The following FAM107A variants were observed in gnomAD, a reference collection of about 807,000 sequenced individuals.
FAM107A encodes the protein family with sequence similarity 107 member A.
FAM107A carries 19 observed loss-of-function variants against 13.7 expected under a neutral mutation model. The ratio of observed to expected loss-of-function variants is 1.38; its 90% CI spans 0.97 to 2.03. FAM107A has a LOEUF of 2.03. Among genes scored for constraint, FAM107A ranks in the 30% most tolerant of loss-of-function variants. The pLI is 0.00. For missense variants in FAM107A, 203 were observed against 184.4 expected, an observed-to-expected ratio of 1.10 and a Z score of -0.58; for synonymous variants, 82 against 74.5, an observed-to-expected ratio of 1.10 and a Z score of -0.52.
upstream of FAM107A, among the ~76,000 whole-genome samples, chr3:58,590,087 A>G (rs2065643654): frequency 6.6e-6 from 1 of 152,220 alleles, no homozygotes; most frequent in African/African-American, 2.4e-5. Context: ...AATACATTAT[A>G]TATTTTCAAT....
intron 1 of FAM107A, among the ~76,000 whole-genome samples, chr3:58,585,248 C>A (rs577870384): frequency 5.5e-4 from 84 of 152,322 alleles, no homozygotes; most frequent in Non-Finnish European, 1.0e-3. Flanking sequence ...CTTTGAGAGA[C>A]GATCGAGAAC....
chr3:58,581,742 C>G (rs17059421), upstream of FAM107A, among the ~76,000 whole-genome samples: 3 of 152,032 alleles, frequency 2.0e-5, no homozygotes, highest in African/African-American at 7.2e-5. Context: ...AAGTTTGAAC[C>G]GGGAAGAATT....
At chr3:58,598,560 G>T (rs766783454) in intron 1 of FAM107A, among the ~76,000 whole-genome samples, 22 of 152,176 alleles carry the variant, frequency 1.4e-4, no homozygotes, top group Non-Finnish European at 2.9e-4. Flanking sequence ...TGCATGGGTT[G>T]TTTCATTCCC....
In FAM107A at chr3:58,569,715, C is replaced by T. The variant is rs779645856; in HGVS notation, c.146G>A (p.Arg49Gln). ...KASRSHQELHRELLMNHRRGL... is the reference protein window; with the variant it reads ...KASRSHQELHQELLMNHRRGL... The stretch of plus-strand genomic sequence containing the variant: ...CCTTCTGTGGTTCATGAGCAGCTCC[C>T]GGTGGAGCTCCTGGTGACTCCGAGA... Residue 49 changes from arginine to glutamine, a missense_variant, in exon 2 of 4, where the codon CGG becomes CAG. Physicochemically the swap from Arg to Gln is conservative, Grantham distance 43. Transcript: ENST00000360997. The surrounding 1 kb of genome is among the most constrained non-coding windows in gnomAD (Gnocchi z 5.7). 2.5e-5 allele frequency: 41 copies of T among 1,613,532 alleles called. No homozygotes were observed. Among genetic ancestry groups the T allele is most frequent in the South Asian group, 1.8e-4 (16 of 91,052 alleles).
rs145049581 is a variant in FAM107A at position 58,605,561 on chromosome 3, C to T, written c.-69-16292G>A. 2.4e-3 allele frequency among the ~76,000 whole-genome samples: 368 copies of T among 152,308 alleles called. 1 individual carries two copies. Among genetic ancestry groups the T allele is most frequent in the African/African-American group, 8.3e-3 (343 of 41,548 alleles). ...GAGAGTCCAGGTGATGAGGGGCTCA[C>T]CTTGTAAGTTTCCTTTCCTTCAGAG... On this transcript the variant is annotated intron_variant, in intron 1 of 3. Transcript: ENST00000465970.
Position 58,601,458 on chromosome 3 carries a change from C to T in FAM107A, c.-69-12189G>A, listed in dbSNP as rs115601953. The stretch of plus-strand genomic sequence containing the variant: ...GGCACATCGAGGACATGTTTACACA[C>T]GTGCACATTCAGACTCACATTATCT... On this transcript the variant is annotated intron_variant, in intron 1 of 3. Transcript: ENST00000465970. 6.6e-3 allele frequency among the ~76,000 whole-genome samples: 999 copies of T among 152,322 alleles called. 8 individuals carry two copies. The highest frequency in any genetic ancestry group is 0.023 in the African/African-American group (935 of 41,552).
rs1410880019 is a variant in FAM107A, at chr3:58,617,211, G to T, written c.-70+10205C>A. On this transcript the variant is annotated intron_variant, in intron 1 of 3. Transcript: ENST00000465970. The surrounding 1 kb of genome is among the most constrained non-coding windows in gnomAD (Gnocchi z 4.5). ...GGTTCAGGGCCTGCAGGTCTCAATG[G>T]CAGGCCTCTTCCTGAACGTGCACCA... 1.3e-5 allele frequency among the ~76,000 whole-genome samples: 2 copies of T among 152,156 alleles called. No homozygotes were observed. The highest frequency in any genetic ancestry group is 4.8e-5 in the African/African-American group (2 of 41,422).
chr3:58,598,342 G>A (rs143339019), intron 1 of FAM107A, among the ~76,000 whole-genome samples: 346 of 152,324 alleles, frequency 2.3e-3, no homozygotes, highest in Middle Eastern at 3.4e-3. Context: ...CTCAGCCGAG[G>A]TGCAGTAATG....
intron 1 of FAM107A, among the ~76,000 whole-genome samples, chr3:58,618,094 A>T (rs976210256): frequency 1.3e-5 from 2 of 152,166 alleles, no homozygotes; most frequent in African/African-American, 4.8e-5. Context: ...ATTAGAAGGC[A>T]TTCTTATTTA....
chr3:58,564,400 A>G lies in FAM107A; in HGVS notation c.*2188T>C, dbSNP rs2063600167. 1 of 152,264 alleles carries G rather than the reference A, an allele frequency of 6.6e-6. No homozygotes were observed. Among genetic ancestry groups the G allele is most frequent in the Non-Finnish European group, 1.5e-5 (1 of 68,054 alleles). The allele number at this position is 152,264 out of a possible 1,614,324, so 9.4% of individuals were successfully genotyped here. ...AATTTCATTGGCCACACCTGATCAC[A>G]TAGCCATCCTAAGCTGCAAAGGAGA... On this transcript the variant is annotated 3_prime_UTR_variant, in exon 4 of 4. Transcript: ENST00000360997. The surrounding 1 kb of genome is among the most constrained non-coding windows in gnomAD (Gnocchi z 5.6).
chr3:58,577,403 C>T (rs1282800295), upstream of FAM107A: 7 of 985,276 alleles, frequency 7.1e-6, no homozygotes, highest in African/African-American at 1.7e-5. The surrounding 1 kb of genome is among the most constrained non-coding windows in gnomAD (Gnocchi z 4.9). Context: ...AGGGCTGCCT[C>T]TAGAGGGCGG....
chr3:58,567,200 T>C lies in FAM107A; in HGVS notation c.327+8A>G. ...ATGCGTGGTCCCTGCTGGGTGCCCA[T>C]CACCCACCTGGTTCAGCCTCTGCTG... On this transcript the variant is annotated splice_region_variant and intron_variant, in intron 3 of 3. Coordinates refer to ENST00000360997, the MANE Select transcript of FAM107A (RefSeq NM_001076778.3). 6.2e-7 allele frequency: 1 copy of C among 1,614,104 alleles called. No individual in the cohort carries two copies. The highest frequency in any genetic ancestry group is 8.5e-7 in the Non-Finnish European group (1 of 1,179,960).
chr3:58,624,414 T>C (rs1286397373), intron 1 of FAM107A, among the ~76,000 whole-genome samples: 2 of 152,234 alleles, frequency 1.3e-5, no homozygotes, highest in Non-Finnish European at 2.9e-5. Flanking sequence ...GTGTTTTGAC[T>C]CCTGGCCCAG....
chr3:58,566,572 A>G lies in FAM107A; in HGVS notation c.*16T>C. ...CCAGGCCAGGGTGGGCAGTGGCCTG[A>G]GCCCGGCAGCTGGCCCTACAGCTCT... On this transcript the variant is annotated 3_prime_UTR_variant, in exon 4 of 4. Transcript: ENST00000360997. 1.3e-6 allele frequency: 2 copies of G among 1,598,810 alleles called. No homozygotes were observed. The highest frequency in any genetic ancestry group is 1.7e-6 in the Non-Finnish European group (2 of 1,167,032).
chr3:58,611,734 C>A (rs2065856271), intron 1 of FAM107A, among the ~76,000 whole-genome samples: 1 of 152,238 alleles, frequency 6.6e-6, no homozygotes, highest in Non-Finnish European at 1.5e-5. Context: ...CTTCACAAGG[C>A]ACCTGACTTC....
At chr3:58,593,414 A>G (rs1213564676) in intron 1 of FAM107A, among the ~76,000 whole-genome samples, 2 of 152,142 alleles carry the variant, frequency 1.3e-5, no homozygotes, top group African/African-American at 4.8e-5. Context: ...AACTACTTGT[A>G]AATGCCCTGC....
chr3:58,603,542 A>T (rs150792322), intron 1 of FAM107A, among the ~76,000 whole-genome samples: 306 of 152,296 alleles, frequency 2.0e-3, no homozygotes, highest in African/African-American at 6.9e-3. Context: ...ATGTGGGCTC[A>T]GCTGAAGTCT....
intron 1 of FAM107A, among the ~76,000 whole-genome samples, chr3:58,586,222 C>A (rs1337903492): frequency 1.4e-5 from 2 of 141,426 alleles, no homozygotes; most frequent in Non-Finnish European, 3.1e-5. Context: ...AAACTTCCTG[C>A]GCCTACAGCC....
chr3:58,580,222 T>C (rs2065515411), upstream of FAM107A, among the ~76,000 whole-genome samples: 1 of 148,578 alleles, frequency 6.7e-6, no homozygotes, highest in Non-Finnish European at 1.5e-5. Context: ...GTAGGATCTC[T>C]TTTTTTTTTC....
Sources: gnomAD v4.1 joint callset for allele counts (sites outside exome capture counted in the v4.1 genomes callset) on GRCh38, gnomAD v4.1.1 for gene constraint, Gnocchi (gnomAD v3.1) non-coding constraint, MANE v1.5 for transcripts, NCBI Gene and HGNC (gene_info 2026-07-23, HGNC 2026-07-21) for gene names.